The following UGT1A8 variants were observed in gnomAD, a reference collection of about 807,000 sequenced individuals.
The protein encoded by UGT1A8 is UDP glucuronosyltransferase family 1 member A8, also known as UDP-glucuronosyltransferase 1A8.
In UGT1A8, 39 loss-of-function variants were observed where a neutral mutation model predicts 45.3. That is an observed-to-expected ratio of 0.86 (90% CI 0.67 to 1.12). The LOEUF (loss-of-function observed/expected upper bound fraction) is 1.12, where lower values mean the gene tolerates loss of function less well. Ranked by LOEUF, UGT1A8 falls within the 50% of genes most tolerant of loss-of-function variation. The pLI is 0.00. For missense variants in UGT1A8, 719 were observed against 664.9 expected (o/e 1.08, Z -0.90); for synonymous variants, 275 against 249.2 (o/e 1.10, Z -0.97).
At chr2:233,638,417 A>G (rs1250337518) in intron 1 of UGT1A8, among the ~76,000 whole-genome samples, 4 of 152,200 alleles carry the variant, frequency 2.6e-5, no homozygotes, top group Non-Finnish European at 5.9e-5. Flanking sequence ...TGTAGTATGC[A>G]TTAGATGTAC....
intron 1 of UGT1A8, among the ~76,000 whole-genome samples, chr2:233,656,896 C>T (rs1179882204): frequency 6.6e-6 from 1 of 151,824 alleles, no homozygotes; most frequent in Non-Finnish European, 1.5e-5. Flanking sequence ...GCACATGCTT[C>T]ATGTGGCATC....
intron 1 of UGT1A8, chr2:233,748,073 A>G (rs1311035028): frequency 6.2e-7 from 1 of 1,613,214 alleles, no homozygotes; most frequent in Non-Finnish European, 8.5e-7. Context: ...GGAAGCCACT[A>G]TCTCAGGTCG....
At position 233,627,677 on chromosome 2, in the gene UGT1A8, C is replaced by CTTCCTTCT. The variant is rs1559314063; in HGVS notation, c.855+9118_855+9119insCTTCTTTC. On this transcript the variant is annotated intron_variant, in intron 1 of 4. Transcript: ENST00000373450. ...CCTTCCTTCCTTCCTTCCTTCCTTC[C>CTTCCTTCT]TTCTTTCTTTCTTTCTTTTCCACTG... Among the ~76,000 whole-genome samples, 5 of 120,914 alleles carry CTTCCTTCT rather than the reference C, an allele frequency of 4.1e-5. No homozygotes were observed. In the South Asian group the frequency reaches 7.2e-4, roughly 17 times the overall value. The allele number at this position is 120,914 out of a possible 152,430, so 79.3% of individuals were successfully genotyped here.
chr2:233,725,179 GAGAGGCAGAGGC>G lies in UGT1A8; in HGVS notation c.856-41825_856-41814del, dbSNP rs879478240. ...CTCTGCATGAGAGGGAGACCGTGGG[GAGAGGCAGAGGC>G]AGAGGCAGAGGCAGAGGCAGAGGCA... On this transcript the variant is annotated intron_variant, in intron 1 of 4. Coordinates refer to ENST00000373450, the MANE Select transcript of UGT1A8 (RefSeq NM_019076.5). Among the ~76,000 whole-genome samples the G allele has an allele frequency of 6.0e-3, 403 of 67,616 alleles. 106 individuals carry two copies. Among genetic ancestry groups the G allele is most frequent in the Middle Eastern group, 0.049 (7 of 142 alleles). 44.4% of individuals were successfully genotyped at this position (67,616 alleles called of 152,430 possible). A position where few individuals can be genotyped will look rare whatever the true frequency, so the allele number is the denominator to read the frequency against.
At chr2:233,695,130 C>CTTTCTTTTTTTTTTTTTTT (rs1364557158) in intron 1 of UGT1A8, among the ~76,000 whole-genome samples, 1 of 138,838 alleles carries the variant, frequency 7.2e-6, no homozygotes. Flanking sequence ...CTTTTCTTTT[C>CTTTCTTTTTTTTTTTTTTT]TTTTTTTTTT....
At chr2:233,639,264 G>C (rs558216006) in intron 1 of UGT1A8, among the ~76,000 whole-genome samples, 33 of 152,212 alleles carry the variant, frequency 2.2e-4, no homozygotes, top group African/African-American at 7.5e-4. Context: ...ATGTATGAAA[G>C]TTTTTATAGT....
Position 233,673,620 on chromosome 2 carries a change from A to G in UGT1A8, c.855+55058A>G, listed in dbSNP as rs144093003. On this transcript the variant is annotated intron_variant, in intron 1 of 4. Transcript: ENST00000373450. Reference sequence around the variant, plus strand: ...TCACTATTTATTCAGATCTTGTTTTATATACATAAATAAAATTTTTCACTA... The same window carrying G: ...TCACTATTTATTCAGATCTTGTTTTGTATACATAAATAAAATTTTTCACTA... 5.3e-5 allele frequency among the ~76,000 whole-genome samples: 8 copies of G among 152,224 alleles called. No individual in the cohort carries two copies. In the East Asian group the frequency reaches 1.3e-3, roughly 26 times the overall value.
intron 1 of UGT1A8, among the ~76,000 whole-genome samples, chr2:233,695,158 A>G (rs2075269313): frequency 1.5e-5 from 2 of 134,270 alleles, no homozygotes; most frequent in African/African-American, 2.8e-5. Context: ...ACAGAGTCTC[A>G]CTCTGTCATC....
intron 1 of UGT1A8, among the ~76,000 whole-genome samples, chr2:233,731,952 T>C (rs2078222480): frequency 6.6e-6 from 1 of 152,218 alleles, no homozygotes; most frequent in African/African-American, 2.4e-5. Context: ...ATCTGTTGTT[T>C]CCTGACTTTT....
At chr2:233,764,552 G>A (rs1387908555) in intron 1 of UGT1A8, among the ~76,000 whole-genome samples, 1 of 152,132 alleles carries the variant, frequency 6.6e-6, no homozygotes, top group East Asian at 1.9e-4. Flanking sequence ...CGTGTGGGAG[G>A]GTGTGCCTGG....
chr2:233,729,728 A>G (rs373493601), intron 1 of UGT1A8: 1 of 1,613,928 alleles, frequency 6.2e-7, no homozygotes, highest in Non-Finnish European at 8.5e-7. Flanking sequence ...CTAACAACCA[A>G]TTCAGACCAC....
At chr2:233,671,718 A>AT (rs1455957777) in intron 1 of UGT1A8, 146 of 1,035,694 alleles carry the variant, frequency 1.4e-4, no homozygotes, top group Middle Eastern at 6.7e-4. Context: ...ACCATAAGCT[A>AT]CTGTTGTCTG....
At chr2:233,762,785 A>G (rs1698164172) in intron 1 of UGT1A8, among the ~76,000 whole-genome samples, 1 of 150,724 alleles carries the variant, frequency 6.6e-6, no homozygotes, top group Non-Finnish European at 1.5e-5. Context: ...CTGATTATCT[A>G]CTCATTACTC....
intron 1 of UGT1A8, among the ~76,000 whole-genome samples, chr2:233,646,443 A>G (rs1184963248): frequency 1.3e-5 from 2 of 152,084 alleles, no homozygotes; most frequent in Non-Finnish European, 2.9e-5. Context: ...CAGGCTGCAA[A>G]TTTTCCAAAC....
At chr2:233,618,702 A>C (rs2072947146) in intron 1 of UGT1A8, 140 bp downstream of exon 1, 1 of 1,474,370 alleles carries the variant, frequency 6.8e-7, no homozygotes, top group Admixed American at 2.3e-5. Context: ...TTTTGTGCCA[A>C]TTTATGTACT....
At chr2:233,748,012 G>C (rs911822936) in intron 1 of UGT1A8, 2 of 1,613,354 alleles carry the variant, frequency 1.2e-6, no homozygotes, top group Non-Finnish European at 1.7e-6. Context: ...GATTACCCCA[G>C]GCCGATCATG....
At chr2:233,666,663 T>C (rs1264887613) in intron 1 of UGT1A8, among the ~76,000 whole-genome samples, 2 of 152,216 alleles carry the variant, frequency 1.3e-5, no homozygotes, top group African/African-American at 4.8e-5. Flanking sequence ...TTTTTTATTA[T>C]TGTACTTTAA....
intron 1 of UGT1A8, among the ~76,000 whole-genome samples, chr2:233,644,193 G>T (rs2073539006): frequency 6.6e-6 from 1 of 152,150 alleles, no homozygotes; most frequent in South Asian, 2.1e-4. Flanking sequence ...AGACCATTTT[G>T]GCCCTCGGTG....
At chr2:233,767,511 A>G (rs1020159718) in intron 2 of UGT1A8, among the ~76,000 whole-genome samples, 21 of 152,248 alleles carry the variant, frequency 1.4e-4, no homozygotes, top group African/African-American at 3.9e-4. Context: ...GTTGGTTAGA[A>G]CACTGAATTT....
Sources: gnomAD v4.1 joint callset for allele counts (sites outside exome capture counted in the v4.1 genomes callset) on GRCh38, gnomAD v4.1.1 for gene constraint, MANE v1.5 for transcripts, NCBI Gene and HGNC (gene_info 2026-07-23, HGNC 2026-07-21) for gene names.